MYO9A: variants seen among roughly 807,000 people sequenced by gnomAD.
MYO9A encodes unconventional myosin-IXa.
A neutral mutation model predicts 293.3 loss-of-function variants in MYO9A; 103 were observed. That is an observed-to-expected ratio of 0.35 (90% CI 0.30 to 0.41). The LOEUF (loss-of-function observed/expected upper bound fraction) is 0.41. Among genes scored for constraint, MYO9A ranks in the 10% least tolerant of loss-of-function variants. MYO9A has a pLI of 1.00. For missense variants in MYO9A, 2,685 were observed against 3,033.0 expected, an observed-to-expected ratio of 0.89 and a Z score of 2.69; for synonymous variants, 1,001 against 1,035.7, an observed-to-expected ratio of 0.97 and a Z score of 0.64.
At chr15:71,934,422 T>C (rs1364675513) in intron 17 of MYO9A, among the ~76,000 whole-genome samples, 1 of 152,072 alleles carries the variant, frequency 6.6e-6, no homozygotes, top group African/African-American at 2.4e-5. Context: ...TTAAATGAGT[T>C]AATGTATATC....
At chr15:72,011,295 AGC>A (rs1452403724) in intron 6 of MYO9A, among the ~76,000 whole-genome samples, 3 of 151,936 alleles carry the variant, frequency 2.0e-5, no homozygotes, top group Middle Eastern at 6.8e-3. Flanking sequence ...TACAGGCGTG[AGC>A]CACTGTGCCC....
intron 18 of MYO9A, among the ~76,000 whole-genome samples, chr15:71,931,124 TAAAATGTTTG>T (rs1206288996): frequency 6.6e-6 from 1 of 152,216 alleles, no homozygotes; most frequent in Non-Finnish European, 1.5e-5. Context: ...ATCACATAAT[TAAAATGTTTG>T]AATTAGACAG....
intron 1 of MYO9A, among the ~76,000 whole-genome samples, chr15:72,075,630 T>C (rs903218369): frequency 2.6e-5 from 4 of 151,710 alleles, no homozygotes; most frequent in African/African-American, 9.7e-5. Flanking sequence ...ACTATCCAAA[T>C]TAAAACGAAG....
chr15:71,949,327 C>A (rs572195875), intron 15 of MYO9A, among the ~76,000 whole-genome samples: 1 of 151,902 alleles, frequency 6.6e-6, no homozygotes, highest in Non-Finnish European at 1.5e-5. Flanking sequence ...TTCAGCCACA[C>A]GAGGAGGCTG....
At chr15:71,985,604 T>C (rs2076389291) in intron 11 of MYO9A, among the ~76,000 whole-genome samples, 1 of 152,134 alleles carries the variant, frequency 6.6e-6, no homozygotes, top group Non-Finnish European at 1.5e-5. Context: ...CCCTGCTCAA[T>C]TCCTCATACT....
intron 13 of MYO9A, among the ~76,000 whole-genome samples, chr15:71,965,533 G>A (rs2147184280): frequency 6.6e-6 from 1 of 152,220 alleles, no homozygotes; most frequent in South Asian, 2.1e-4. Context: ...ATCAACTGAG[G>A]TCAGATGTTC....
intron 32 of MYO9A, among the ~76,000 whole-genome samples, chr15:71,874,633 G>A (rs376626944): frequency 6.6e-6 from 1 of 152,210 alleles, no homozygotes; most frequent in Non-Finnish European, 1.5e-5. Context: ...AACGGGAGAA[G>A]AGTATAAGAA....
chr15:71,960,390 C>T (rs2075709128), intron 13 of MYO9A: 5 of 322,510 alleles, frequency 1.6e-5, no homozygotes, highest in Non-Finnish European at 2.3e-5. Context: ...CTCTCTCTTG[C>T]CATGTGACAC....
At chr15:72,115,849 TATAA>T (rs34246640) in intron 1 of MYO9A, among the ~76,000 whole-genome samples, 2,043 of 152,240 alleles carry the variant, frequency 0.013, 19 homozygotes, top group East Asian at 0.025. Flanking sequence ...TAAACATACA[TATAA>T]CATCAGACAC....
chr15:72,105,686 T>C (rs993062852), intron 1 of MYO9A, among the ~76,000 whole-genome samples: 1 of 152,012 alleles, frequency 6.6e-6, no homozygotes, highest in Admixed American at 6.6e-5. Flanking sequence ...TTTGTATTTT[T>C]AGTAGAGATG....
At chr15:71,888,564 T>A (rs964213379) in intron 26 of MYO9A, 1 of 152,432 alleles carries the variant, frequency 6.6e-6, no homozygotes, top group Non-Finnish European at 1.5e-5. Flanking sequence ...AGATGGAATA[T>A]GCAATGATTT....
intron 12 of MYO9A, among the ~76,000 whole-genome samples, chr15:71,974,900 G>A (rs146970842): frequency 0.015 from 2,263 of 152,286 alleles, 54 homozygotes; most frequent in African/African-American, 0.051. Flanking sequence ...GGAAAAGTTT[G>A]GGAACTACTG....
chr15:72,113,960 A>G (rs1010768244), intron 1 of MYO9A, among the ~76,000 whole-genome samples: 2 of 152,230 alleles, frequency 1.3e-5, no homozygotes, highest in African/African-American at 2.4e-5. Context: ...CATAGTAGTT[A>G]TAAGGAGCAG....
At chr15:72,068,298 T>TA (rs894402998) in intron 1 of MYO9A, among the ~76,000 whole-genome samples, 3 of 152,222 alleles carry the variant, frequency 2.0e-5, no homozygotes, top group South Asian at 2.1e-4. Context: ...CTAATTTTTT[T>TA]AAAAAAAGCT....
At chr15:71,925,280 C>T (rs1297910267) in intron 18 of MYO9A, among the ~76,000 whole-genome samples, 5 of 149,548 alleles carry the variant, frequency 3.3e-5, no homozygotes, top group East Asian at 2.0e-4. Flanking sequence ...TATACATATA[C>T]GTATACACGT....
chr15:72,077,748 AAAAAATATAT>A (rs1380322397), intron 1 of MYO9A, among the ~76,000 whole-genome samples: 1,889 of 32,414 alleles, frequency 0.058, 3 homozygotes, highest in Middle Eastern at 0.083. Flanking sequence ...AAAAAAAAAA[AAAAAATATAT>A]ATATATATAT....
intron 8 of MYO9A, among the ~76,000 whole-genome samples, chr15:72,005,715 T>A (rs2076996900): frequency 6.6e-6 from 1 of 152,144 alleles, no homozygotes; most frequent in African/African-American, 2.4e-5. Context: ...CGCTGGGTGG[T>A]TAGATAAATA....
At position 71,898,826 on chromosome 15, in the gene MYO9A, C is replaced by A; in HGVS notation, c.3677G>T (p.Cys1226Phe). Residue 1226 changes from cysteine to phenylalanine, a missense_variant, in exon 25 of 42, where the codon TGC becomes TTC. By Grantham distance (205) the Cys-to-Phe change is radical. Transcript: ENST00000356056. ...CTGCTTGTTTGGTGACTCCTTCAAG[C>A]AGTCCACTGAACTTTCACGGCTAAT... The part of the protein sequence containing the change: ...NRISRESSVD[C>F]LKESPNKQQE... 6.2e-7 allele frequency: 1 copy of A among 1,614,134 alleles called. No individual in the cohort carries two copies. The highest frequency in any genetic ancestry group is 1.1e-5 in the South Asian group (1 of 91,082).
intron 1 of MYO9A, 116 bp from the exon 2 acceptor site, chr15:72,046,750 CTCTTG>C (rs1162689034): frequency 6.8e-6 from 4 of 585,706 alleles, no homozygotes; most frequent in Non-Finnish European, 1.1e-5. Flanking sequence ...AAAATACTAA[CTCTTG>C]TCTTAGCACA....
Sources: allele counts gnomAD v4.1 joint callset (sites outside exome capture counted in the v4.1 genomes callset), GRCh38; gene constraint gnomAD v4.1.1; transcripts MANE v1.5; gene names NCBI Gene and HGNC (gene_info 2026-07-23, HGNC 2026-07-21).